PINX1: variants seen among roughly 807,000 people sequenced by gnomAD.
PINX1 encodes PIN2 (TERF1) interacting telomerase inhibitor 1.
In PINX1, 34 loss-of-function variants were observed where a neutral mutation model predicts 25.4. The observed-to-expected ratio is 1.34, with a 90% confidence interval of 1.02 to 1.78. PINX1 has a LOEUF of 1.78. Among genes scored for constraint, PINX1 ranks in the 40% most tolerant of loss-of-function variants. PINX1 has a pLI of 0.00. For missense variants in PINX1, 592 were observed against 404.9 expected, an observed-to-expected ratio of 1.46 and a Z score of -3.97; for synonymous variants, 197 against 147.7, an observed-to-expected ratio of 1.33 and a Z score of -2.42.
chr8:10,790,932 A>T (rs752948613), intron 6 of PINX1, among the ~76,000 whole-genome samples: 4 of 151,966 alleles, frequency 2.6e-5, no homozygotes, highest in Non-Finnish European at 1.5e-5. Flanking sequence ...GTTTTTATTG[A>T]GACAGAGTAT....
chr8:10,820,575 T>C (rs981891650), intron 5 of PINX1, among the ~76,000 whole-genome samples: 2 of 152,242 alleles, frequency 1.3e-5, no homozygotes, highest in African/African-American at 2.4e-5. Context: ...ACTCCCGCTA[T>C]GCCCTCAAGA....
At chr8:10,791,078 A>C (rs1247122763) in intron 6 of PINX1, among the ~76,000 whole-genome samples, 1 of 151,978 alleles carries the variant, frequency 6.6e-6, no homozygotes, top group Non-Finnish European at 1.5e-5. Flanking sequence ...ACACCTGGCT[A>C]ATTTTTTGTA....
intron 6 of PINX1, among the ~76,000 whole-genome samples, chr8:10,781,380 C>A (rs1247954929): frequency 6.6e-6 from 1 of 152,096 alleles, no homozygotes; most frequent in Non-Finnish European, 1.5e-5. Context: ...TTCTGCACAG[C>A]AGAGGAAACA....
intron 4 of PINX1, among the ~76,000 whole-genome samples, chr8:10,829,195 A>C (rs1289833263): frequency 1.3e-5 from 2 of 149,326 alleles, no homozygotes; most frequent in African/African-American, 5.0e-5. Flanking sequence ...CTGAGGCAGG[A>C]GAATCGCTTG....
intron 6 of PINX1, among the ~76,000 whole-genome samples, chr8:10,807,227 G>A (rs920700002): frequency 1.3e-5 from 2 of 151,610 alleles, no homozygotes; most frequent in Non-Finnish European, 2.9e-5. Flanking sequence ...AAATAACAAT[G>A]AGATAGTAAG....
At chr8:10,786,206 C>T (rs1801742764) in intron 6 of PINX1, among the ~76,000 whole-genome samples, 1 of 152,160 alleles carries the variant, frequency 6.6e-6, no homozygotes, top group African/African-American at 2.4e-5. Flanking sequence ...AGAGACGTTA[C>T]ATTTTAGGTG....
intron 5 of PINX1, chr8:10,822,274 T>C (rs546289893): frequency 3.3e-5 from 5 of 152,336 alleles, no homozygotes; most frequent in Non-Finnish European, 5.9e-5. Context: ...CAGGAAATTA[T>C]GGCCGCTTTT....
chr8:10,838,470 C>T (rs1223360766), intron 1 of PINX1, among the ~76,000 whole-genome samples: 1 of 152,212 alleles, frequency 6.6e-6, no homozygotes. Context: ...TGTTCACCAT[C>T]TCACTGATTT....
chr8:10,795,177 G>T (rs1484055643), intron 6 of PINX1, among the ~76,000 whole-genome samples: 1 of 151,978 alleles, frequency 6.6e-6, no homozygotes, highest in Non-Finnish European at 1.5e-5. Flanking sequence ...TCCTAATATC[G>T]AAGTAAGAAA....
chr8:10,787,343 C>T (rs1163175509), intron 6 of PINX1, among the ~76,000 whole-genome samples: 1 of 152,070 alleles, frequency 6.6e-6, no homozygotes, highest in African/African-American at 2.4e-5. Flanking sequence ...CCTCCCACCA[C>T]AGCCCCCCAA....
intron 2 of PINX1, among the ~76,000 whole-genome samples, chr8:10,834,027 C>G (rs536975930): frequency 6.6e-6 from 1 of 152,198 alleles, no homozygotes; most frequent in Non-Finnish European, 1.5e-5. Context: ...AGAAAAATGA[C>G]AGTTCCCAGA....
At chr8:10,783,794 C>T (rs1357552003) in intron 6 of PINX1, among the ~76,000 whole-genome samples, 1 of 152,174 alleles carries the variant, frequency 6.6e-6, no homozygotes, top group Non-Finnish European at 1.5e-5. Flanking sequence ...TTACTCAGAA[C>T]TATGAAATAA....
chr8:10,826,180 G>C lies in PINX1; in HGVS notation c.366C>G (p.Asn122Lys). 6.3e-7 allele frequency: 1 copy of C among 1,590,134 alleles called. No individual in the cohort carries two copies. The highest frequency in any genetic ancestry group is 8.6e-7 in the Non-Finnish European group (1 of 1,161,296). ...SLEEKSKISK[N>K]RVHYMKFTKG... Reference sequence around the variant, plus strand: ...TTGTGAATTTCATATAGTGAACACGGTTTTTGGAGATTTTGGACTTTTCCT... The same window carrying C: ...TTGTGAATTTCATATAGTGAACACGCTTTTTGGAGATTTTGGACTTTTCCT... The change falls in exon 5 of 7, where the codon AAC (asparagine) becomes AAG (lysine). Residue 122 changes from asparagine to lysine, a missense_variant. Coordinates refer to ENST00000314787, the MANE Select transcript of PINX1 (RefSeq NM_017884.6).
At position 10,765,780 on chromosome 8, in the gene PINX1, G is replaced by C. The variant is rs760327116; in HGVS notation, c.608C>G (p.Ser203Cys). Residue 203 changes from serine to cysteine, a missense_variant, in exon 7 of 7, where the codon TCT becomes TGT. By Grantham distance (112) the Ser-to-Cys change is moderately radical (BLOSUM62 -1). Transcript: ENST00000314787. ...CCTTTTACGTTCCACCTGCGTCTCAGAAATGTCAGACCCTGGAACTGGAAC... is the reference window on the plus strand; with the variant it reads ...CCTTTTACGTTCCACCTGCGTCTCACAAATGTCAGACCCTGGAACTGGAAC... Reference protein sequence around the residue: ...PQVPVPGSDISETQVERKRGK... With the variant: ...PQVPVPGSDICETQVERKRGK... The C allele has an allele frequency of 6.2e-7, 1 of 1,613,878 alleles. No homozygotes were observed. Among genetic ancestry groups the C allele is most frequent in the South Asian group, 1.1e-5 (1 of 91,060 alleles).
intron 6 of PINX1, among the ~76,000 whole-genome samples, chr8:10,809,529 C>T (rs1003912999): frequency 6.6e-6 from 1 of 152,200 alleles, no homozygotes; most frequent in South Asian, 2.1e-4. Flanking sequence ...CTGTGAGTAA[C>T]CCATCTCAAG....
At chr8:10,801,966 A>T (rs1159722024) in intron 6 of PINX1, among the ~76,000 whole-genome samples, 1 of 152,180 alleles carries the variant, frequency 6.6e-6, no homozygotes, top group Non-Finnish European at 1.5e-5. Flanking sequence ...ATCTCACAGT[A>T]CTGCCCCATC....
chr8:10,770,174 G>A (rs1801179953), intron 6 of PINX1, among the ~76,000 whole-genome samples: 1 of 152,224 alleles, frequency 6.6e-6, no homozygotes, highest in African/African-American at 2.4e-5. Flanking sequence ...GGCAGATGCT[G>A]GACAGCTTCC....
At chr8:10,803,070 TTAG>T (rs1266327912) in intron 6 of PINX1, among the ~76,000 whole-genome samples, 2 of 152,144 alleles carry the variant, frequency 1.3e-5, no homozygotes, top group African/African-American at 2.4e-5. Flanking sequence ...GAACATATTA[TTAG>T]TAGATTAAAA....
chr8:10,821,465 T>C (rs757337394), intron 5 of PINX1, among the ~76,000 whole-genome samples: 1 of 152,184 alleles, frequency 6.6e-6, no homozygotes, highest in Non-Finnish European at 1.5e-5. Flanking sequence ...TGGCTGCTGC[T>C]CTCCTTCCTA....
Sources: allele counts gnomAD v4.1 joint callset (sites outside exome capture counted in the v4.1 genomes callset), GRCh38; gene constraint gnomAD v4.1.1; transcripts MANE v1.5; gene names NCBI Gene and HGNC (gene_info 2026-07-23, HGNC 2026-07-21).